GPATCH2: variants seen among roughly 807,000 people sequenced by gnomAD.
GPATCH2 encodes G patch domain-containing protein 2.
GPATCH2 carries 51 observed loss-of-function variants against 58.0 expected under a neutral mutation model. The observed-to-expected ratio is 0.88, with a 90% confidence interval of 0.70 to 1.11. GPATCH2 has a LOEUF of 1.11. Ranked by LOEUF, GPATCH2 falls within the 50% of genes most tolerant of loss-of-function variation. The pLI is 0.00. For missense variants in GPATCH2, 625 were observed against 652.2 expected (o/e 0.96, Z 0.45); for synonymous variants, 222 against 218.5 (o/e 1.02, Z -0.14).
intron 5 of GPATCH2, among the ~76,000 whole-genome samples, chr1:217,593,361 G>T (rs1013300350): frequency 3.3e-5 from 5 of 151,928 alleles, no homozygotes; most frequent in Non-Finnish European, 5.9e-5. Flanking sequence ...GCGGGAAGAT[G>T]CATTATTTTC....
Position 217,506,879 on chromosome 1 carries a change from A to T in GPATCH2, c.1166+7943T>A, listed in dbSNP as rs953561546. Among the ~76,000 whole-genome samples the T allele has an allele frequency of 2.6e-5, 4 of 152,180 alleles. No homozygotes were observed. In the East Asian group the frequency reaches 7.7e-4, roughly 29 times the overall value. ...CCACCAGTTCACTTAGATCCTAGAG[A>T]GCTCATTAGCCGTCCCCATCTCAAT... On this transcript the variant is annotated intron_variant, in intron 6 of 9. Coordinates refer to ENST00000366935, the MANE Select transcript of GPATCH2 (RefSeq NM_018040.5).
chr1:217,439,485 A>G (rs1659026947), intron 9 of GPATCH2, among the ~76,000 whole-genome samples: 1 of 152,230 alleles, frequency 6.6e-6, no homozygotes, highest in South Asian at 2.1e-4. Context: ...AACAAATTCA[A>G]AAGATAGCAG....
chr1:217,452,062 T>C (rs1011881525), intron 8 of GPATCH2, among the ~76,000 whole-genome samples: 1 of 152,146 alleles, frequency 6.6e-6, no homozygotes, highest in Non-Finnish European at 1.5e-5. Context: ...GGGCCATACA[T>C]GCCACCTTTG....
At chr1:217,450,562 C>G (rs542242878) in intron 8 of GPATCH2, among the ~76,000 whole-genome samples, 7 of 152,136 alleles carry the variant, frequency 4.6e-5, no homozygotes, top group East Asian at 3.9e-4. Flanking sequence ...ACCACAAAAC[C>G]TTATCAACAT....
chr1:217,547,837 C>T (rs565978372), intron 5 of GPATCH2, among the ~76,000 whole-genome samples: 8 of 152,140 alleles, frequency 5.3e-5, no homozygotes, highest in South Asian at 4.2e-4. Context: ...GGAGGTCTGG[C>T]GGCGGGTGAT....
At chr1:217,556,313 T>C (rs1056100483) in intron 5 of GPATCH2, among the ~76,000 whole-genome samples, 6 of 152,190 alleles carry the variant, frequency 3.9e-5, no homozygotes. Flanking sequence ...CATTTATATC[T>C]TCCCCCTTCT....
chr1:217,556,412 T>A (rs949208090), intron 5 of GPATCH2, among the ~76,000 whole-genome samples: 1 of 152,212 alleles, frequency 6.6e-6, no homozygotes. Flanking sequence ...TATCCCTAAA[T>A]AACATTGTTC....
At chr1:217,469,370 G>C (rs1025788136) in intron 8 of GPATCH2, among the ~76,000 whole-genome samples, 9 of 152,036 alleles carry the variant, frequency 5.9e-5, no homozygotes, top group Admixed American at 2.0e-4. Context: ...GCATGAGTTG[G>C]AACTGATCAG....
chr1:217,545,018 ACATCTCCCTGT>A (rs749882027), intron 5 of GPATCH2, among the ~76,000 whole-genome samples: 65 of 152,164 alleles, frequency 4.3e-4, no homozygotes, highest in Non-Finnish European at 7.9e-4. Flanking sequence ...GTTTTTCTCA[ACATCTCCCTGT>A]CTACTGGAGC....
intron 5 of GPATCH2, among the ~76,000 whole-genome samples, chr1:217,573,605 A>G (rs1408903357): frequency 6.6e-6 from 1 of 152,172 alleles, no homozygotes; most frequent in East Asian, 1.9e-4. Flanking sequence ...AAAAATAACA[A>G]CTGCTTTCTA....
At chr1:217,447,038 T>C (rs1659424235) in intron 9 of GPATCH2, among the ~76,000 whole-genome samples, 1 of 152,188 alleles carries the variant, frequency 6.6e-6, no homozygotes, top group Admixed American at 6.5e-5. Context: ...CCGCTAATGG[T>C]TGAATCAATG....
At chr1:217,570,365 G>A (rs1186438873) in intron 5 of GPATCH2, among the ~76,000 whole-genome samples, 2 of 151,902 alleles carry the variant, frequency 1.3e-5, no homozygotes, top group Non-Finnish European at 2.9e-5. Context: ...CGCCCGCCTC[G>A]GCCTCCCAAA....
intron 5 of GPATCH2, among the ~76,000 whole-genome samples, chr1:217,545,688 A>T (rs1316124458): frequency 6.6e-6 from 1 of 152,196 alleles, no homozygotes. Context: ...CTCCAAGCAC[A>T]AGTGGTCAAA....
chr1:217,484,331 G>T (rs1661347532), intron 8 of GPATCH2, among the ~76,000 whole-genome samples: 1 of 151,872 alleles, frequency 6.6e-6, no homozygotes, highest in Non-Finnish European at 1.5e-5. Context: ...CCTGCTTTTG[G>T]ATTGGAACTA....
intron 5 of GPATCH2, among the ~76,000 whole-genome samples, chr1:217,588,382 T>C (rs570669133): frequency 1.3e-4 from 20 of 152,224 alleles, no homozygotes; most frequent in Non-Finnish European, 2.6e-4. Flanking sequence ...TGGGAAGCTA[T>C]TTCAATGGGA....
intron 8 of GPATCH2, among the ~76,000 whole-genome samples, chr1:217,480,613 C>T (rs1160770668): frequency 6.6e-6 from 1 of 152,074 alleles, no homozygotes; most frequent in Non-Finnish European, 1.5e-5. Context: ...ATAGAGCTAC[C>T]ATATGATCCA....
intron 9 of GPATCH2, among the ~76,000 whole-genome samples, chr1:217,446,419 T>C (rs1659389739): frequency 6.6e-6 from 1 of 152,132 alleles, no homozygotes; most frequent in Non-Finnish European, 1.5e-5. Flanking sequence ...ATGCCCTCAT[T>C]ATCAAAGTGT....
chr1:217,478,722 A>G (rs1661077091), intron 8 of GPATCH2, among the ~76,000 whole-genome samples: 4 of 151,362 alleles, frequency 2.6e-5, no homozygotes, highest in Admixed American at 2.6e-4. Flanking sequence ...TAAAGGGATA[A>G]CAGAGAATTT....
At chr1:217,454,392 A>G (rs1659826105) in intron 8 of GPATCH2, among the ~76,000 whole-genome samples, 1 of 151,912 alleles carries the variant, frequency 6.6e-6, no homozygotes, top group Non-Finnish European at 1.5e-5. Flanking sequence ...AATCGAGACC[A>G]TCCTGGCTAA....
Sources: allele counts gnomAD v4.1 joint callset (sites outside exome capture counted in the v4.1 genomes callset), GRCh38; gene constraint gnomAD v4.1.1; transcripts MANE v1.5; gene names NCBI Gene and HGNC (gene_info 2026-07-23, HGNC 2026-07-21).